SEH1L: variants seen among roughly 807,000 people sequenced by gnomAD.
The protein encoded by SEH1L is nucleoporin SEH1.
SEH1L carries 18 observed loss-of-function variants against 49.5 expected under a neutral mutation model. The ratio of observed to expected loss-of-function variants is 0.36; its 90% CI spans 0.25 to 0.54. SEH1L has a LOEUF of 0.54. Ranked by LOEUF, SEH1L falls within the 20% of genes least tolerant of loss-of-function variation. SEH1L has a pLI of 0.87. For missense variants in SEH1L, 404 were observed against 528.8 expected (o/e 0.76, Z 2.31); for synonymous variants, 169 against 178.1 (o/e 0.95, Z 0.41).
chr18:12,963,425 T>G (rs2145626667), intron 4 of SEH1L, 54 bp downstream of exon 4: 1 of 1,335,730 alleles, frequency 7.5e-7, no homozygotes, highest in East Asian at 2.3e-5. Context: ...AACTAGTAAC[T>G]TTTAAGCTAA....
At chr18:12,980,737 C>CGGGGAGCTG (rs1568229618) in intron 6 of SEH1L, among the ~76,000 whole-genome samples, 40 of 54,956 alleles carry the variant, frequency 7.3e-4, no homozygotes, top group Non-Finnish European at 1.1e-3. Context: ...GCTGGCCGGG[C>CGGGGAGCTG]AGAGGGGCTC....
intron 6 of SEH1L, among the ~76,000 whole-genome samples, chr18:12,979,990 C>T (rs1235386854): frequency 3.4e-5 from 4 of 116,682 alleles, no homozygotes; most frequent in Non-Finnish European, 7.3e-5. Flanking sequence ...GGCGGCTGGC[C>T]GGGCGCGGGG....
chr18:12,948,265 C>CGGAA (rs760882341), intron 1 of SEH1L, 33 bp downstream of exon 1: 1 of 1,506,480 alleles, frequency 6.6e-7, no homozygotes, highest in African/African-American at 1.4e-5. Flanking sequence ...GGGCCGACCC[C>CGGAA]GGAAGGAAGG....
chr18:12,980,080 G>A (rs2032128230), intron 6 of SEH1L, among the ~76,000 whole-genome samples: 1 of 66,486 alleles, frequency 1.5e-5, no homozygotes, highest in Non-Finnish European at 2.6e-5. Context: ...CCGGGCGGGG[G>A]GCTGACCCCC....
Position 12,982,562 on chromosome 18 carries a change from A to G in SEH1L, c.806A>G (p.His269Arg). 6.2e-7 allele frequency: 1 copy of G among 1,613,750 alleles called. No individual in the cohort carries two copies. The highest frequency in any genetic ancestry group is 2.2e-5 in the East Asian group (1 of 44,872). Residue 269 changes from histidine to arginine, a missense_variant, in exon 7 of 9, where the codon CAT (histidine) becomes CGT (arginine). His to Arg is a conservative substitution (Grantham distance 29). This residue lies in a region of SEH1L where 342 missense variants were observed against 430.8 expected (regional missense o/e 0.79). Transcript: ENST00000399892. ...SSGGPTKFEI[H>R]IVAQFDNHNS... ...GGTGGGCCAACAAAGTTTGAAATCC[A>G]TATAGTGGCTCAGTTCGATAATCAT...
chr18:12,978,701 T>C (rs781318120), intron 5 of SEH1L, 51 bp from the exon 6 acceptor site: 285 of 1,519,550 alleles, frequency 1.9e-4, no homozygotes, highest in Non-Finnish European at 2.4e-4. Flanking sequence ...GATGTGTGGA[T>C]TTTTGCACAT....
chr18:12,975,626 C>A, intron 5 of SEH1L: 1 of 854,364 alleles, frequency 1.2e-6, no homozygotes, highest in Non-Finnish European at 1.4e-6. Context: ...GGCCAACAGG[C>A]CAGGCAGATT....
At chr18:12,986,584 A>G (rs939373852) in intron 8 of SEH1L, 9 of 994,534 alleles carry the variant, frequency 9.0e-6, no homozygotes, top group Non-Finnish European at 9.8e-6. Context: ...TCTTTGTAAC[A>G]TTTATATATA....
chr18:12,965,661 G>C (rs1199554747), intron 4 of SEH1L, among the ~76,000 whole-genome samples: 1 of 152,178 alleles, frequency 6.6e-6, no homozygotes, highest in Admixed American at 6.5e-5. Context: ...GTCTGATGCT[G>C]GTTCTTTTGT....
chr18:12,951,348 T>C (rs1049281901), intron 1 of SEH1L, among the ~76,000 whole-genome samples: 3 of 152,214 alleles, frequency 2.0e-5, no homozygotes, highest in Non-Finnish European at 4.4e-5. Context: ...CTCAGCTTCC[T>C]GAATCCCTTG....
chr18:12,967,685 G>A (rs915941524), intron 4 of SEH1L, among the ~76,000 whole-genome samples: 4 of 152,096 alleles, frequency 2.6e-5, no homozygotes, highest in East Asian at 3.9e-4. Flanking sequence ...AGGCTGAGGC[G>A]GGCGGATCAC....
intron 5 of SEH1L, among the ~76,000 whole-genome samples, chr18:12,974,882 C>A (rs1194238620): frequency 6.6e-6 from 1 of 152,198 alleles, no homozygotes; most frequent in Non-Finnish European, 1.5e-5. Flanking sequence ...GAGTCAGGAC[C>A]AGAAACAAAG....
intron 4 of SEH1L, among the ~76,000 whole-genome samples, chr18:12,970,608 A>G (rs1480360275): frequency 1.3e-5 from 2 of 151,970 alleles, no homozygotes; most frequent in Admixed American, 6.6e-5. Flanking sequence ...TTTTTTTTGT[A>G]GAGATAGAGT....
Position 12,982,628 on chromosome 18 carries a change from C to T in SEH1L, c.872C>T (p.Thr291Met), listed in dbSNP as rs769640302. Reference sequence around the variant, plus strand: ...CGAGTGAGTTGGAATATAACAGGAACGGTGCTAGCATCTTCAGGAGATGAT... The same window carrying T: ...CGAGTGAGTTGGAATATAACAGGAATGGTGCTAGCATCTTCAGGAGATGAT... ...VWRVSWNITGTVLASSGDDGC... is the reference protein window; with the variant it reads ...VWRVSWNITGMVLASSGDDGC... Residue 291 changes from threonine to methionine, a missense_variant, in exon 7 of 9, where the codon ACG becomes ATG. This residue lies in a region of SEH1L where 342 missense variants were observed against 430.8 expected (regional missense o/e 0.79). Coordinates refer to ENST00000399892, the MANE Select transcript of SEH1L (RefSeq NM_001013437.2). The T allele has an allele frequency of 4.0e-5, 64 of 1,613,318 alleles. No individual in the cohort carries two copies. Among genetic ancestry groups the T allele is most frequent in the Non-Finnish European group, 3.3e-5 (39 of 1,179,602 alleles).
At chr18:12,972,760 T>TA (rs1216060052) in intron 5 of SEH1L, 4 of 152,208 alleles carry the variant, frequency 2.6e-5, no homozygotes, top group African/African-American at 9.7e-5. Context: ...GAAATGGTCT[T>TA]AGAGATTTTC....
chr18:12,960,595 A>G (rs934689119), intron 3 of SEH1L, among the ~76,000 whole-genome samples: 1 of 152,172 alleles, frequency 6.6e-6, no homozygotes, highest in Non-Finnish European at 1.5e-5. Flanking sequence ...TTGCCTTTGC[A>G]CTAGGGCTTC....
intron 6 of SEH1L, among the ~76,000 whole-genome samples, chr18:12,979,681 GC>G (rs1162053755): frequency 1.3e-5 from 2 of 150,566 alleles, no homozygotes; most frequent in African/African-American, 4.9e-5. Flanking sequence ...GGACGGGGTG[GC>G]TGGCTGGGCG....
At chr18:12,972,960 C>A (rs1361616957) in intron 5 of SEH1L, 1 of 152,178 alleles carries the variant, frequency 6.6e-6, no homozygotes, top group Non-Finnish European at 1.5e-5. Context: ...CATCTCAGCA[C>A]TTTGGGAGGC....
In SEH1L at chr18:12,967,644, T is replaced by C. The variant is rs2031509169; in HGVS notation, c.522-3509T>C. ...CCATGAAAGCCTGGGCCGGGCACAG[T>C]GGCTCACGCCTGTTATCCCAGCACT... On this transcript the variant is annotated intron_variant, in intron 4 of 8. Coordinates refer to ENST00000399892, the MANE Select transcript of SEH1L (RefSeq NM_001013437.2). Among the ~76,000 whole-genome samples the C allele has an allele frequency of 2.0e-5, 3 of 152,320 alleles. No homozygotes were observed. In the South Asian group the frequency reaches 6.2e-4, roughly 32 times the overall value.
Sources: gnomAD v4.1 joint callset for allele counts (sites outside exome capture counted in the v4.1 genomes callset) on GRCh38, gnomAD v4.1.1 for gene constraint, gnomAD v4.1.1 regional missense constraint, MANE v1.5 for transcripts, NCBI Gene and HGNC (gene_info 2026-07-23, HGNC 2026-07-21) for gene names.